CALN1: variants seen among roughly 807,000 people sequenced by gnomAD.
CALN1 encodes calcium-binding protein 8.
Under a neutral mutation model 30.6 loss-of-function variants are expected in CALN1, and 17 were observed. The ratio of observed to expected loss-of-function variants is 0.56; its 90% CI spans 0.38 to 0.83. The LOEUF is 0.83. Ranked by LOEUF, CALN1 falls within the 40% of genes least tolerant of loss-of-function variation. CALN1 has a pLI of 0.00. For synonymous variants in CALN1, 156 were observed against 131.4 expected (o/e 1.19, Z -1.28); for missense variants, 291 against 354.9 (o/e 0.82, Z 1.45).
At chr7:72,036,745 T>G (rs909412611) in intron 4 of CALN1, among the ~76,000 whole-genome samples, 2 of 152,202 alleles carry the variant, frequency 1.3e-5, no homozygotes, top group Non-Finnish European at 2.9e-5. Context: ...TCTCAATGTC[T>G]TTCTTTATTC....
chr7:72,307,281 T>C (rs368539212), intron 2 of CALN1, among the ~76,000 whole-genome samples: 3 of 152,304 alleles, frequency 2.0e-5, no homozygotes, highest in East Asian at 3.9e-4. Context: ...GGAAAGCCAT[T>C]TGAAACTTAC....
chr7:72,065,099 T>C, intron 4 of CALN1, among the ~76,000 whole-genome samples: 1 of 147,984 alleles, frequency 6.8e-6, no homozygotes, highest in East Asian at 1.9e-4. Context: ...TTAATATATG[T>C]AAAATATATT....
chr7:72,357,702 C>G (rs2129559596), intron 2 of CALN1, among the ~76,000 whole-genome samples: 1 of 151,442 alleles, frequency 6.6e-6, no homozygotes, highest in South Asian at 2.1e-4. Context: ...AATCAATAGG[C>G]AAAATTTAAA....
intron 2 of CALN1, among the ~76,000 whole-genome samples, chr7:72,387,230 GGGAA>G (rs1805268931): frequency 1.0e-5 from 1 of 95,532 alleles, no homozygotes; most frequent in Non-Finnish European, 2.1e-5. Flanking sequence ...AGGGAAGGAA[GGGAA>G]GGGAGGGGAG....
Position 71,781,095 on chromosome 7 carries a change from G to C in CALN1, c.*6680C>G, listed in dbSNP as rs1392752506. 6.6e-6 allele frequency: 1 copy of C among 152,218 alleles called. No homozygotes were observed. Among genetic ancestry groups the C allele is most frequent in the African/African-American group, 2.4e-5 (1 of 41,458 alleles). The allele number at this position is 152,218 out of a possible 1,614,324, so 9.4% of individuals were successfully genotyped here. A position where few individuals can be genotyped will look rare whatever the true frequency, so the allele number is the denominator to read the frequency against. The stretch of plus-strand genomic sequence containing the variant: ...TTCAAAAAGGAGCTCCCAGTTCCTA[G>C]TGCAATTCATGGGTGAAATCCAGAC... On this transcript the variant is annotated 3_prime_UTR_variant, in exon 7 of 7. Coordinates refer to ENST00000395275, the MANE Select transcript of CALN1 (RefSeq NM_031468.4).
At chr7:72,336,572 A>T in intron 2 of CALN1, 1 of 496,040 alleles carries the variant, frequency 2.0e-6, no homozygotes, top group Non-Finnish European at 2.6e-6. Flanking sequence ...TCTGCCAACC[A>T]TCTGCCCACT....
intron 5 of CALN1, among the ~76,000 whole-genome samples, chr7:71,906,943 G>C (rs1222265689): frequency 3.3e-5 from 5 of 152,144 alleles, no homozygotes; most frequent in African/African-American, 1.2e-4. Context: ...TCTGTTTTAC[G>C]CATCTGGGCA....
At chr7:71,846,474 C>T (rs553292043) in intron 5 of CALN1, among the ~76,000 whole-genome samples, 1 of 152,124 alleles carries the variant, frequency 6.6e-6, no homozygotes, top group African/African-American at 2.4e-5. Flanking sequence ...CTGTACTAGT[C>T]GGGTTCCCCA....
At chr7:72,378,456 T>C (rs964170942) in intron 2 of CALN1, among the ~76,000 whole-genome samples, 7 of 152,222 alleles carry the variant, frequency 4.6e-5, no homozygotes, top group African/African-American at 1.4e-4. Context: ...CTGACCATTT[T>C]TTCAGGATTT....
At chr7:71,861,064 G>A (rs1426735497) in intron 5 of CALN1, among the ~76,000 whole-genome samples, 1 of 152,150 alleles carries the variant, frequency 6.6e-6, no homozygotes, top group East Asian at 1.9e-4. Context: ...AAGGAAAGAA[G>A]AGAAGACACT....
intron 5 of CALN1, among the ~76,000 whole-genome samples, chr7:71,927,826 C>A (rs1795344119): frequency 6.6e-6 from 1 of 152,182 alleles, no homozygotes; most frequent in Non-Finnish European, 1.5e-5. Context: ...CTCTCTGTAG[C>A]AGCCAAATGA....
intron 2 of CALN1, among the ~76,000 whole-genome samples, chr7:72,377,363 A>C (rs1804621250): frequency 6.6e-6 from 1 of 150,628 alleles, no homozygotes; most frequent in East Asian, 2.0e-4. Flanking sequence ...TAGTAAGTTC[A>C]CCATCTGGAC....
chr7:72,299,773 G>C (rs959962755), intron 2 of CALN1, among the ~76,000 whole-genome samples: 14 of 151,358 alleles, frequency 9.2e-5, no homozygotes, highest in African/African-American at 2.7e-4. Context: ...GGGTTCAAGG[G>C]ATCCTCCTGC....
At chr7:72,075,712 T>C (rs1225605806) in intron 4 of CALN1, among the ~76,000 whole-genome samples, 1 of 152,214 alleles carries the variant, frequency 6.6e-6, no homozygotes, top group Non-Finnish European at 1.5e-5. Context: ...AGATTCCCTG[T>C]GACACTGGTG....
At chr7:72,384,296 C>T (rs1352183516) in intron 2 of CALN1, among the ~76,000 whole-genome samples, 1 of 152,106 alleles carries the variant, frequency 6.6e-6, no homozygotes, top group African/African-American at 2.4e-5. Context: ...CCAATATCTA[C>T]TCCTGGGGGA....
At chr7:71,889,789 T>C (rs1793129706) in intron 5 of CALN1, among the ~76,000 whole-genome samples, 1 of 152,138 alleles carries the variant, frequency 6.6e-6, no homozygotes. Flanking sequence ...ACCCTGTCTC[T>C]ACTAAAAATA....
intron 3 of CALN1, among the ~76,000 whole-genome samples, chr7:72,125,149 G>A (rs556682228): frequency 6.0e-4 from 92 of 152,156 alleles, no homozygotes; most frequent in South Asian, 1.5e-3. Flanking sequence ...GTGCCTCAGC[G>A]TCCTAAATAC....
chr7:72,147,482 A>ATGTGGAGAAATAGGAACG (rs1786848747), intron 3 of CALN1, among the ~76,000 whole-genome samples: 2 of 134,106 alleles, frequency 1.5e-5, no homozygotes, highest in Non-Finnish European at 3.4e-5. Flanking sequence ...GTTGGAGAGG[A>ATGTGGAGAAATAGGAACG]CTGTTACACT....
intron 5 of CALN1, among the ~76,000 whole-genome samples, chr7:72,017,760 T>C (rs1800481843): frequency 6.6e-6 from 1 of 152,302 alleles, no homozygotes; most frequent in East Asian, 1.9e-4. Context: ...TAGTGAAGTC[T>C]TCATGAATAA....
Sources: gnomAD v4.1 joint callset for allele counts (sites outside exome capture counted in the v4.1 genomes callset) on GRCh38, gnomAD v4.1.1 for gene constraint, MANE v1.5 for transcripts, NCBI Gene and HGNC (gene_info 2026-07-23, HGNC 2026-07-21) for gene names.